The following PDE10A variants were observed in gnomAD, a reference collection of about 807,000 sequenced individuals.
PDE10A encodes the protein cAMP and cAMP-inhibited cGMP 3',5'-cyclic phosphodiesterase 10A.
PDE10A carries 39 observed loss-of-function variants against 97.7 expected under a neutral mutation model. The ratio of observed to expected loss-of-function variants is 0.40; its 90% CI spans 0.31 to 0.52. PDE10A has a LOEUF of 0.52. Ranked by LOEUF, PDE10A falls within the 20% of genes least tolerant of loss-of-function variation. The pLI is 0.56. For missense variants in PDE10A, 731 were observed against 1,047.8 expected, an observed-to-expected ratio of 0.70 and a Z score of 4.17; for synonymous variants, 371 against 376.8, an observed-to-expected ratio of 0.98 and a Z score of 0.18.
chr6:165,623,314 C>T (rs77226299), intron 1 of PDE10A, among the ~76,000 whole-genome samples: 4,295 of 152,150 alleles, frequency 0.028, 174 homozygotes, highest in African/African-American at 0.095. Context: ...GACAGGGTTT[C>T]GCCATGTCGT....
intron 3 of PDE10A, among the ~76,000 whole-genome samples, chr6:165,479,348 C>A (rs1392319971): frequency 6.6e-6 from 1 of 152,060 alleles, no homozygotes; most frequent in East Asian, 1.9e-4. Context: ...AATTCCATTC[C>A]AACCTTATTT....
At chr6:165,346,961 T>A (rs1255160135) in intron 18 of PDE10A, among the ~76,000 whole-genome samples, 11 of 152,192 alleles carry the variant, frequency 7.2e-5, no homozygotes, top group Non-Finnish European at 1.6e-4. Context: ...AGGTGGGGGA[T>A]GTACAGTGGA....
intron 1 of PDE10A, among the ~76,000 whole-genome samples, chr6:165,788,071 C>T (rs971856866): frequency 6.6e-6 from 1 of 152,110 alleles, no homozygotes; most frequent in African/African-American, 2.4e-5. Flanking sequence ...AGATGGAAAG[C>T]CATCCTTGCT....
intron 1 of PDE10A, among the ~76,000 whole-genome samples, chr6:165,980,634 T>C (rs967301644): frequency 6.6e-6 from 1 of 152,208 alleles, no homozygotes; most frequent in African/African-American, 2.4e-5. Context: ...ACCCTGCATG[T>C]GCTCAGGAAA....
intron 1 of PDE10A, among the ~76,000 whole-genome samples, chr6:165,558,168 G>A (rs528959302): frequency 7.9e-5 from 12 of 152,144 alleles, no homozygotes; most frequent in South Asian, 6.2e-4. Context: ...TGTATACTGC[G>A]GCACTATTCA....
At chr6:165,489,580 T>C (rs1780108622) in intron 2 of PDE10A, among the ~76,000 whole-genome samples, 1 of 152,180 alleles carries the variant, frequency 6.6e-6, no homozygotes, top group South Asian at 2.1e-4. Flanking sequence ...TCACCAGCAA[T>C]GGATCTAAAC....
chr6:165,905,418 A>G (rs971658689), intron 1 of PDE10A, among the ~76,000 whole-genome samples: 4 of 152,170 alleles, frequency 2.6e-5, no homozygotes, highest in African/African-American at 9.7e-5. Context: ...GATCTTTTAT[A>G]TGTATTCATC....
At chr6:165,694,451 C>T (rs1302499412) in intron 1 of PDE10A, among the ~76,000 whole-genome samples, 2 of 152,220 alleles carry the variant, frequency 1.3e-5, no homozygotes, top group African/African-American at 4.8e-5. Flanking sequence ...GATGCACAAG[C>T]ATGGCGTGGA....
chr6:165,846,459 C>T (rs1780421535), intron 1 of PDE10A, among the ~76,000 whole-genome samples: 1 of 152,236 alleles, frequency 6.6e-6, no homozygotes, highest in South Asian at 2.1e-4. Flanking sequence ...CCGCACCACC[C>T]TGTGTGAAGG....
At chr6:165,745,375 A>C (rs921801734) in intron 1 of PDE10A, among the ~76,000 whole-genome samples, 5 of 152,226 alleles carry the variant, frequency 3.3e-5, no homozygotes, top group African/African-American at 1.2e-4. Flanking sequence ...TTCATGGTAC[A>C]AAAGTCAGGT....
intron 1 of PDE10A, among the ~76,000 whole-genome samples, chr6:165,912,603 C>T (rs1174956408): frequency 6.6e-6 from 1 of 152,140 alleles, no homozygotes; most frequent in Non-Finnish European, 1.5e-5. Context: ...TGTCACAAGT[C>T]GTGAGACTGC....
At chr6:165,909,429 C>T (rs1023436612) in intron 1 of PDE10A, among the ~76,000 whole-genome samples, 3 of 152,170 alleles carry the variant, frequency 2.0e-5, no homozygotes, top group Non-Finnish European at 2.9e-5. Context: ...ACTCGGACAC[C>T]GTAGCTTAGG....
chr6:165,697,294 G>C (rs544754855), intron 1 of PDE10A, among the ~76,000 whole-genome samples: 1 of 152,272 alleles, frequency 6.6e-6, no homozygotes, highest in Non-Finnish European at 1.5e-5. Flanking sequence ...ATCAAGAAAA[G>C]GAACAGCTGA....
chr6:165,588,281 C>CTTTTTTTCTTTT (rs1562606454), intron 1 of PDE10A, among the ~76,000 whole-genome samples: 1 of 37,034 alleles, frequency 2.7e-5, no homozygotes, highest in Non-Finnish European at 8.6e-5. Flanking sequence ...ATTTTTTTTT[C>CTTTTTTTCTTTT]TTTTTTTTTT....
chr6:165,741,726 A>C (rs1404728629), intron 1 of PDE10A, among the ~76,000 whole-genome samples: 2 of 152,240 alleles, frequency 1.3e-5, no homozygotes, highest in Non-Finnish European at 1.5e-5. Context: ...CTAAATTCAG[A>C]CTAGTGGCTC....
At chr6:165,392,483 A>C (rs1034737357) in intron 16 of PDE10A, among the ~76,000 whole-genome samples, 163 bp downstream of exon 16, 3 of 152,194 alleles carry the variant, frequency 2.0e-5, no homozygotes, top group African/African-American at 7.2e-5. Context: ...TAATATGCTA[A>C]ATGTTTGGGT....
chr6:165,842,603 T>A (rs959490672), intron 1 of PDE10A, among the ~76,000 whole-genome samples: 6 of 152,236 alleles, frequency 3.9e-5, no homozygotes, highest in Admixed American at 2.0e-4. Flanking sequence ...CTGTTGATGC[T>A]TTCCATGCTC....
chr6:165,568,077 C>A (rs1332305213), intron 1 of PDE10A, among the ~76,000 whole-genome samples: 1 of 143,546 alleles, frequency 7.0e-6, no homozygotes, highest in Non-Finnish European at 1.5e-5. Flanking sequence ...TGGCTCACTG[C>A]AAGCTCCGCC....
At chr6:165,955,934 G>T (rs1200706196) in intron 1 of PDE10A, among the ~76,000 whole-genome samples, 1 of 152,174 alleles carries the variant, frequency 6.6e-6, no homozygotes, top group Non-Finnish European at 1.5e-5. Flanking sequence ...GAAGCATCTT[G>T]TATGTTTTGT....
Sources: gnomAD v4.1 joint callset for allele counts (sites outside exome capture counted in the v4.1 genomes callset) on GRCh38, gnomAD v4.1.1 for gene constraint, MANE v1.5 for transcripts, NCBI Gene and HGNC (gene_info 2026-07-23, HGNC 2026-07-21) for gene names.